GRIN2A: variants seen among roughly 807,000 people sequenced by gnomAD.
GRIN2A encodes glutamate ionotropic receptor NMDA type subunit 2A.
In GRIN2A, 22 loss-of-function variants were observed where a neutral mutation model predicts 113.4. That is an observed-to-expected ratio of 0.19 (90% CI 0.14 to 0.28). GRIN2A has a LOEUF of 0.28. Ranked by LOEUF, GRIN2A falls within the 10% of genes least tolerant of loss-of-function variation. The pLI is 1.00. For synonymous variants in GRIN2A, 827 were observed against 738.4 expected, an observed-to-expected ratio of 1.12 and a Z score of -1.94; for missense variants, 1,502 against 1,887.0, an observed-to-expected ratio of 0.80 and a Z score of 3.78.
chr16:10,057,970 C>G (rs528861143), intron 2 of GRIN2A, among the ~76,000 whole-genome samples: 193 of 152,028 alleles, frequency 1.3e-3, no homozygotes, highest in Non-Finnish European at 2.2e-3. Flanking sequence ...AAATAAAATA[C>G]GTGGCCGGGT....
chr16:9,883,234 T>C (rs2043519650), intron 4 of GRIN2A, among the ~76,000 whole-genome samples: 2 of 152,022 alleles, frequency 1.3e-5, no homozygotes, highest in South Asian at 4.2e-4. Context: ...TGGTACAGAG[T>C]AGCTCTTAAT....
chr16:10,143,881 G>A (rs1401301423), intron 2 of GRIN2A, among the ~76,000 whole-genome samples: 1 of 152,122 alleles, frequency 6.6e-6, no homozygotes, highest in Non-Finnish European at 1.5e-5. Flanking sequence ...CAGGAGGATT[G>A]CTTGAGCTCA....
intron 10 of GRIN2A, among the ~76,000 whole-genome samples, chr16:9,807,701 G>C (rs902010080): frequency 3.3e-5 from 5 of 152,108 alleles, no homozygotes; most frequent in African/African-American, 1.2e-4. Flanking sequence ...TTTCCAGACC[G>C]GTCTGTCACT....
chr16:9,941,528 G>A (rs528076590), intron 2 of GRIN2A, among the ~76,000 whole-genome samples: 1 of 152,302 alleles, frequency 6.6e-6, no homozygotes, highest in South Asian at 2.1e-4. Context: ...CCCCTGTCAT[G>A]CCAAACTTCA....
At chr16:10,172,543 G>A (rs1354194456) in intron 2 of GRIN2A, among the ~76,000 whole-genome samples, 1 of 152,210 alleles carries the variant, frequency 6.6e-6, no homozygotes, top group Non-Finnish European at 1.5e-5. Context: ...GAAGTGAAGT[G>A]ACTTTGGGGA....
chr16:9,918,274 A>G lies in GRIN2A; in HGVS notation c.1007+19685T>C, dbSNP rs116127535. On this transcript the variant is annotated intron_variant, in intron 3 of 12. Coordinates refer to ENST00000330684, the MANE Select transcript of GRIN2A (RefSeq NM_001134407.3). ...CAGTATCTCCCTATCCACAGGGAAT[A>G]TGTTCCAAGATCCCCAGTGGATGCC... Among the ~76,000 whole-genome samples, 1,311 of 152,304 alleles carry G rather than the reference A, an allele frequency of 8.6e-3. 22 individuals are homozygous for G. Among genetic ancestry groups the G allele is most frequent in the African/African-American group, 0.03 (1,239 of 41,558 alleles).
At chr16:10,041,020 G>A (rs981936790) in intron 2 of GRIN2A, among the ~76,000 whole-genome samples, 7 of 152,248 alleles carry the variant, frequency 4.6e-5, no homozygotes, top group Admixed American at 4.6e-4. Flanking sequence ...AAGTAACCCA[G>A]GTTAAGGCAC....
At chr16:9,802,909 A>C (rs1173374850) in intron 10 of GRIN2A, among the ~76,000 whole-genome samples, 1 of 152,174 alleles carries the variant, frequency 6.6e-6, no homozygotes, top group Non-Finnish European at 1.5e-5. Flanking sequence ...GTGGCAAGCA[A>C]GGGGAAGGCT....
intron 2 of GRIN2A, among the ~76,000 whole-genome samples, chr16:10,000,568 G>A (rs534253381): frequency 6.6e-6 from 1 of 151,632 alleles, no homozygotes; most frequent in Non-Finnish European, 1.5e-5. Context: ...GTCCTTTAAG[G>A]TACTTTAGCA....
At chr16:9,798,655 T>G (rs1427296334) in intron 10 of GRIN2A, among the ~76,000 whole-genome samples, 191 bp from the exon 11 acceptor site, 1 of 152,204 alleles carries the variant, frequency 6.6e-6, no homozygotes, top group Non-Finnish European at 1.5e-5. Flanking sequence ...ACCTTTTCTC[T>G]CCAACTTACA....
intron 2 of GRIN2A, among the ~76,000 whole-genome samples, chr16:10,006,270 T>C (rs919121504): frequency 9.2e-5 from 14 of 152,170 alleles, no homozygotes; most frequent in Admixed American, 7.9e-4. Context: ...AACCCAGTTT[T>C]TTTACAATGC....
intron 4 of GRIN2A, among the ~76,000 whole-genome samples, chr16:9,888,017 C>CGGA (rs2043618793): frequency 6.6e-6 from 1 of 152,286 alleles, no homozygotes; most frequent in South Asian, 2.1e-4. Context: ...CTTGGCTCAC[C>CGGA]GGAACCTCCA....
chr16:9,896,377 T>C (rs1183239904), intron 3 of GRIN2A, among the ~76,000 whole-genome samples: 1 of 152,200 alleles, frequency 6.6e-6, no homozygotes, highest in Non-Finnish European at 1.5e-5. Context: ...ATCAAGAAGG[T>C]AGCATACGCA....
chr16:10,131,725 T>C (rs148922237), intron 2 of GRIN2A, among the ~76,000 whole-genome samples: 4 of 152,332 alleles, frequency 2.6e-5, no homozygotes, highest in East Asian at 1.9e-4. Flanking sequence ...GAACATTTCA[T>C]AGGCAATGGC....
intron 2 of GRIN2A, among the ~76,000 whole-genome samples, chr16:9,985,495 G>C (rs1198553887): frequency 6.6e-6 from 1 of 152,040 alleles, no homozygotes; most frequent in Non-Finnish European, 1.5e-5. Flanking sequence ...ACACAATGGA[G>C]TACTGTACAG....
chr16:10,105,765 G>A (rs1175226136), intron 2 of GRIN2A, among the ~76,000 whole-genome samples: 2 of 152,082 alleles, frequency 1.3e-5, no homozygotes, highest in African/African-American at 4.8e-5. Flanking sequence ...AAATTAGCTG[G>A]GCATGGTGGT....
chr16:9,779,615 T>C (rs1386380456), intron 11 of GRIN2A, among the ~76,000 whole-genome samples: 1 of 152,156 alleles, frequency 6.6e-6, no homozygotes, highest in Non-Finnish European at 1.5e-5. Context: ...GAAGGGACCC[T>C]ATATCAGCTG....
intron 2 of GRIN2A, among the ~76,000 whole-genome samples, chr16:10,149,028 A>T (rs546518195): frequency 4.7e-4 from 71 of 152,178 alleles, no homozygotes; most frequent in Non-Finnish European, 8.7e-4. Flanking sequence ...AAACAGTTGA[A>T]CCCACAGACA....
chr16:10,124,207 C>A (rs747001498), intron 2 of GRIN2A, among the ~76,000 whole-genome samples: 2 of 151,964 alleles, frequency 1.3e-5, no homozygotes, highest in Non-Finnish European at 2.9e-5. Context: ...ACCTAGGCCA[C>A]GATGTATAGG....
Sources: gnomAD v4.1 joint callset for allele counts (sites outside exome capture counted in the v4.1 genomes callset) on GRCh38, gnomAD v4.1.1 for gene constraint, MANE v1.5 for transcripts, NCBI Gene and HGNC (gene_info 2026-07-23, HGNC 2026-07-21) for gene names.